The following MLIP variants were observed in gnomAD, a reference collection of about 807,000 sequenced individuals.
MLIP encodes muscular LMNA-interacting protein.
Under a neutral mutation model 84.8 loss-of-function variants are expected in MLIP, and 79 were observed. The ratio of observed to expected loss-of-function variants is 0.93; its 90% CI spans 0.78 to 1.12. The LOEUF (loss-of-function observed/expected upper bound fraction) is 1.12, where lower values mean the gene tolerates loss of function less well. Ranked by LOEUF, MLIP falls within the 50% of genes most tolerant of loss-of-function variation. The pLI, the probability that MLIP is intolerant of heterozygous loss-of-function variation, is 0.00. For missense variants in MLIP, 1,257 were observed against 1,160.6 expected, an observed-to-expected ratio of 1.08 and a Z score of -1.21; for synonymous variants, 504 against 463.0, an observed-to-expected ratio of 1.09 and a Z score of -1.14.
chr6:54,182,841 A>G (rs183951965), intron 9 of MLIP, among the ~76,000 whole-genome samples: 2 of 152,072 alleles, frequency 1.3e-5, no homozygotes, highest in Admixed American at 6.6e-5. Flanking sequence ...GCATCAAAAA[A>G]CTCTTAGTTG....
intron 10 of MLIP, among the ~76,000 whole-genome samples, chr6:54,195,962 C>T (rs1281644156): frequency 6.6e-6 from 1 of 152,070 alleles, no homozygotes; most frequent in Non-Finnish European, 1.5e-5. Flanking sequence ...AAAGAAGTGG[C>T]CTCTTTCCTT....
rs905393665 is a variant in MLIP, at chr6:54,069,519, T to C, written c.63+50428T>C. Among the ~76,000 whole-genome samples, 2 of 100,038 alleles carry C rather than the reference T, an allele frequency of 2.0e-5. 1 individual carries two copies. The highest frequency in any genetic ancestry group is 9.6e-3 in the Middle Eastern group (2 of 208). 65.6% of individuals were successfully genotyped at this position (100,038 alleles called of 152,430 possible). A position where few individuals can be genotyped will look rare whatever the true frequency, so the allele number is the denominator to read the frequency against. ...TCTGAGGATGTTCAAGTCCCTGATA[T>C]AAAATGGTGTAGTATTTGCATATAA... On this transcript the variant is annotated intron_variant, in intron 1 of 12. Transcript: ENST00000274897.
chr6:54,036,251 T>C (rs977525769), intron 1 of MLIP, among the ~76,000 whole-genome samples: 3 of 151,762 alleles, frequency 2.0e-5, no homozygotes, highest in Non-Finnish European at 4.4e-5. Context: ...GTTTTTTTTT[T>C]TTTTTTTAAA....
At chr6:54,197,180 A>C (rs186437470) in intron 10 of MLIP, among the ~76,000 whole-genome samples, 1 of 152,206 alleles carries the variant, frequency 6.6e-6, no homozygotes, top group African/African-American at 2.4e-5. Context: ...AGGCACTACC[A>C]GGGCTTTGAA....
At chr6:54,135,306 G>A (rs1043907412) in intron 3 of MLIP, among the ~76,000 whole-genome samples, 156 of 152,052 alleles carry the variant, frequency 1.0e-3, no homozygotes, top group African/African-American at 3.5e-3. Flanking sequence ...TCTGGGTTAC[G>A]CCAATATATT....
Position 54,257,242 on chromosome 6 carries a change from A to C in MLIP, c.2923-66A>C. 2.6e-6 allele frequency: 3 copies of C among 1,135,070 alleles called. No individual in the cohort carries two copies. In the South Asian group the frequency reaches 3.9e-5, roughly 15 times the overall value. 70.3% of individuals were successfully genotyped at this position (1,135,070 alleles called of 1,614,324 possible). ...TGTCATTGTCAATCTGTTTAAATGA[A>C]ATTTTAACATTTATTTTTTTCTCAC... is the stretch of plus-strand genomic sequence containing the variant. On this transcript the variant is annotated intron_variant, in intron 12 of 13. Transcript: ENST00000502396.
chr6:54,146,456 A>C (rs1212418801), intron 4 of MLIP, among the ~76,000 whole-genome samples: 1 of 152,184 alleles, frequency 6.6e-6, no homozygotes, highest in Non-Finnish European at 1.5e-5. Flanking sequence ...GAAGGAAGCA[A>C]TATAATTATG....
chr6:54,122,201 A>G (rs1335639623), intron 2 of MLIP, among the ~76,000 whole-genome samples: 1 of 152,172 alleles, frequency 6.6e-6, no homozygotes, highest in Non-Finnish European at 1.5e-5. Flanking sequence ...GGGAAAAATA[A>G]AAAATGCCTA....
At chr6:54,213,949 C>T (rs1342253171) in intron 11 of MLIP, among the ~76,000 whole-genome samples, 1 of 152,050 alleles carries the variant, frequency 6.6e-6, no homozygotes, top group Non-Finnish European at 1.5e-5. Context: ...GGTACTTTGA[C>T]TACCTGACTG....
intron 1 of MLIP, among the ~76,000 whole-genome samples, chr6:54,027,628 A>C (rs983298609): frequency 1.7e-4 from 26 of 152,158 alleles, no homozygotes; most frequent in African/African-American, 5.5e-4. Context: ...CACCATTTTC[A>C]TTTTCTTTCT....
In MLIP at chr6:54,265,260, C is replaced by T. The variant is rs116474231; in HGVS notation, c.2977-690C>T. ...TTCATCTCTGATATTTTCTTTTATA[C>T]TTTCTTTTGTATAATCTGCCTTCAC... On this transcript the variant is annotated intron_variant, in intron 13 of 13. Coordinates refer to ENST00000502396, the MANE Select transcript of MLIP (RefSeq NM_001281747.2). 7.0e-3 allele frequency among the ~76,000 whole-genome samples: 1,064 copies of T among 152,126 alleles called. 12 individuals are homozygous for T. The highest frequency in any genetic ancestry group is 0.024 in the African/African-American group (1,011 of 41,492).
At chr6:54,046,460 C>A (rs559646019) in intron 1 of MLIP, 2 of 152,216 alleles carry the variant, frequency 1.3e-5, no homozygotes, top group African/African-American at 4.8e-5. Context: ...ATGGAACTAT[C>A]CTGTGTGCAA....
At position 54,202,134 on chromosome 6, in the gene MLIP, T is replaced by C; in HGVS notation, c.2619T>C (p.Pro873=). Residue 873 remains proline, a synonymous_variant, in exon 11 of 14, where the codon CCT becomes CCC. Coordinates refer to ENST00000502396, the MANE Select transcript of MLIP (RefSeq NM_001281747.2). ...AGCCTGGAGTAATTCGCCCAGTACC[T>C]GTAAAATCCAGAATATTACTGAAAA... ...LTKPGVIRPV[P]VKSRILLKKE... 1 of 1,600,780 alleles carries C rather than the reference T, an allele frequency of 6.2e-7. No homozygotes were observed. The highest frequency in any genetic ancestry group is 8.5e-7 in the Non-Finnish European group (1 of 1,172,406).
intron 9 of MLIP, among the ~76,000 whole-genome samples, chr6:54,174,051 T>C (rs1776043231): frequency 6.6e-6 from 1 of 151,980 alleles, no homozygotes; most frequent in African/African-American, 2.4e-5. Flanking sequence ...ATACATGTTG[T>C]AGCAAATGAC....
At chr6:54,110,438 T>C (rs750415831), upstream of MLIP, among the ~76,000 whole-genome samples, 2 of 152,194 alleles carry the variant, frequency 1.3e-5, no homozygotes, top group Non-Finnish European at 2.9e-5. Context: ...AGAAGGCTCA[T>C]AGTTTTTTTT....
intron 11 of MLIP, chr6:54,217,500 T>A: frequency 5.1e-6 from 5 of 985,368 alleles, no homozygotes; most frequent in Non-Finnish European, 6.0e-6. Context: ...AGAGCTAAAT[T>A]AATATATTCA....
intron 1 of MLIP, among the ~76,000 whole-genome samples, chr6:54,078,691 C>T (rs370605690): frequency 7.5e-6 from 1 of 133,346 alleles, no homozygotes; most frequent in Non-Finnish European, 1.6e-5. Flanking sequence ...TTCTTTCTTT[C>T]TTTTTTTTTT....
chr6:54,050,279 AT>A (rs1765300836), intron 1 of MLIP, among the ~76,000 whole-genome samples: 1 of 152,164 alleles, frequency 6.6e-6, no homozygotes, highest in Non-Finnish European at 1.5e-5. Flanking sequence ...TGGAAAGAAA[AT>A]GAAAACACAT....
intron 9 of MLIP, among the ~76,000 whole-genome samples, chr6:54,177,330 A>T (rs2150621617): frequency 6.6e-6 from 1 of 152,296 alleles, no homozygotes; most frequent in South Asian, 2.1e-4. Context: ...TCTACAAGGA[A>T]CTTAAACAAA....
Sources: allele counts gnomAD v4.1 joint callset (sites outside exome capture counted in the v4.1 genomes callset), GRCh38; gene constraint gnomAD v4.1.1; transcripts MANE v1.5; gene names NCBI Gene and HGNC (gene_info 2026-07-23, HGNC 2026-07-21).